SULF2: variants seen among roughly 807,000 people sequenced by gnomAD.
The protein encoded by SULF2 is extracellular sulfatase Sulf-2.
In SULF2, 52 loss-of-function variants were observed where a neutral mutation model predicts 107.7. That is an observed-to-expected ratio of 0.48 (90% confidence interval 0.39 to 0.61). The LOEUF is 0.61. SULF2 is among the 20% of genes least tolerant of loss of function. SULF2 has a pLI of 0.00. For missense variants in SULF2, 993 were observed against 1,177.3 expected (o/e 0.84, Z 2.29); for synonymous variants, 460 against 464.3 (o/e 0.99, Z 0.12).
At chr20:47,765,930 A>G (rs1475960812) in intron 1 of SULF2, among the ~76,000 whole-genome samples, 4 of 152,234 alleles carry the variant, frequency 2.6e-5, no homozygotes, top group Admixed American at 2.6e-4. Context: ...GCAGTCAGGG[A>G]GGGCTTCCTG....
chr20:47,755,213 G>A (rs906004672), intron 2 of SULF2, among the ~76,000 whole-genome samples: 1 of 152,224 alleles, frequency 6.6e-6, no homozygotes. Flanking sequence ...CTGTCAAATG[G>A]AGAGAAGAAA....
intron 3 of SULF2, among the ~76,000 whole-genome samples, chr20:47,717,963 C>A (rs992884200): frequency 6.6e-6 from 1 of 151,968 alleles, no homozygotes; most frequent in South Asian, 2.1e-4. Context: ...TACAGGCATG[C>A]GCCACCACCA....
chr20:47,772,435 AG>A (rs77356076), intron 1 of SULF2, among the ~76,000 whole-genome samples: 9,680 of 152,250 alleles, frequency 0.064, 430 homozygotes, highest in East Asian at 0.16. Flanking sequence ...AGATGGCAAC[AG>A]TATAAAGGCA....
At chr20:47,785,200 G>A (rs1336059773) in intron 1 of SULF2, 143 bp downstream of exon 1, 2 of 149,698 alleles carry the variant, frequency 1.3e-5, no homozygotes, top group South Asian at 4.2e-4. Context: ...GCTGGGGCTG[G>A]AGCCGGGCGG....
At chr20:47,745,395 AAAAAAAAAAAAAAAAATATATATAT>A (rs1483632044) in intron 2 of SULF2, among the ~76,000 whole-genome samples, 13 of 22,258 alleles carry the variant, frequency 5.8e-4, no homozygotes, top group African/African-American at 2.4e-3. Flanking sequence ...AAAAAAAAAA[AAAAAAAAAAAAAAAAATATATATAT>A]ATATATATAT....
At chr20:47,665,334 G>GCCT in intron 13 of SULF2, 41 bp from the exon 14 acceptor site, 1 of 1,331,160 alleles carries the variant, frequency 7.5e-7, no homozygotes, top group Non-Finnish European at 1.1e-6. Context: ...AACCTTCAAG[G>GCCT]CTGGACAACA....
chr20:47,676,980 G>A (rs923442914), intron 9 of SULF2, 98 bp downstream of exon 9: 3 of 1,328,926 alleles, frequency 2.3e-6, no homozygotes, highest in South Asian at 2.5e-5. Context: ...AGAGCCATGG[G>A]CAGCTCCTGA....
At chr20:47,707,653 C>G (rs1018313595) in intron 3 of SULF2, among the ~76,000 whole-genome samples, 1 of 152,200 alleles carries the variant, frequency 6.6e-6, no homozygotes, top group Non-Finnish European at 1.5e-5. Context: ...AATTCCTCCC[C>G]TGTGTGCCAT....
chr20:47,746,813 C>T (rs147315937), intron 2 of SULF2, among the ~76,000 whole-genome samples: 4,673 of 149,612 alleles, frequency 0.031, 128 homozygotes, highest in Admixed American at 0.067. Context: ...GGAAGGGGAA[C>T]ATCACACACT....
chr20:47,685,085 G>A (rs1011453377), intron 5 of SULF2: 15 of 152,666 alleles, frequency 9.8e-5, no homozygotes, highest in Non-Finnish European at 2.2e-4. Flanking sequence ...TTGTGGTTAA[G>A]GTAGGACCAC....
upstream of SULF2, chr20:47,785,908 G>A (rs558162832): frequency 2.0e-5 from 3 of 153,032 alleles, no homozygotes; most frequent in African/African-American, 7.2e-5. Context: ...CCCCGGCCCC[G>A]AAGTCCAGCT....
intron 1 of SULF2, among the ~76,000 whole-genome samples, chr20:47,781,319 C>G (rs1346904637): frequency 6.6e-6 from 1 of 152,264 alleles, no homozygotes; most frequent in African/African-American, 2.4e-5. Context: ...ATCTGCCTCT[C>G]CAGCAACCGG....
At chr20:47,709,852 T>G (rs1046436571) in intron 3 of SULF2, among the ~76,000 whole-genome samples, 2 of 150,096 alleles carry the variant, frequency 1.3e-5, no homozygotes, top group South Asian at 2.1e-4. Flanking sequence ...GATAGAGAGA[T>G]AGAGAGATGC....
chr20:47,681,386 A>C (rs1273836944), intron 7 of SULF2, among the ~76,000 whole-genome samples: 3 of 152,068 alleles, frequency 2.0e-5, no homozygotes, highest in African/African-American at 7.2e-5. Flanking sequence ...CTTTTTCTTG[A>C]CCATGTGGGA....
At chr20:47,775,722 C>A (rs2090712920) in intron 1 of SULF2, among the ~76,000 whole-genome samples, 2 of 152,198 alleles carry the variant, frequency 1.3e-5, no homozygotes, top group Non-Finnish European at 2.9e-5. Context: ...TTCAGGACCT[C>A]CTGTTCTAGT....
intron 2 of SULF2, among the ~76,000 whole-genome samples, chr20:47,741,801 C>T (rs2089889110): frequency 6.6e-6 from 1 of 152,230 alleles, no homozygotes; most frequent in South Asian, 2.1e-4. Flanking sequence ...TGGTCAGACC[C>T]TTCTCCTGGA....
intron 4 of SULF2, among the ~76,000 whole-genome samples, chr20:47,693,928 C>G (rs1031955057): frequency 6.6e-6 from 1 of 152,180 alleles, no homozygotes; most frequent in African/African-American, 2.4e-5. Context: ...CTGTGCACAG[C>G]CAGCTCTCTG....
intron 1 of SULF2, among the ~76,000 whole-genome samples, chr20:47,780,426 C>A (rs917857792): frequency 6.6e-6 from 1 of 152,194 alleles, no homozygotes; most frequent in Non-Finnish European, 1.5e-5. Flanking sequence ...TGCTCTTCCC[C>A]CAGATCTTTC....
chr20:47,747,310 A>C (rs2090066719), intron 2 of SULF2, among the ~76,000 whole-genome samples: 1 of 152,208 alleles, frequency 6.6e-6, no homozygotes, highest in South Asian at 2.1e-4. Flanking sequence ...GCAGATGTCG[A>C]GGAGGCAGGA....
Sources: gnomAD v4.1 joint callset for allele counts (sites outside exome capture counted in the v4.1 genomes callset) on GRCh38, gnomAD v4.1.1 for gene constraint, MANE v1.5 for transcripts, NCBI Gene and HGNC (gene_info 2026-07-23, HGNC 2026-07-21) for gene names.